The following LRRTM4 variants were observed in gnomAD, a reference collection of about 807,000 sequenced individuals.
LRRTM4 encodes the protein leucine rich repeat transmembrane neuronal 4, also known as leucine-rich repeat transmembrane neuronal protein 4.
LRRTM4 carries 25 observed loss-of-function variants against 47.6 expected under a neutral mutation model. That is an observed-to-expected ratio of 0.53 (90% CI 0.38 to 0.73). The LOEUF (loss-of-function observed/expected upper bound fraction) is 0.73. Ranked by LOEUF, LRRTM4 falls within the 30% of genes least tolerant of loss-of-function variation. LRRTM4 has a pLI of 0.00. For missense variants in LRRTM4, 638 were observed against 713.4 expected (o/e 0.89, Z 1.20); for synonymous variants, 311 against 269.5 (o/e 1.15, Z -1.51).
intron 3 of LRRTM4, among the ~76,000 whole-genome samples, chr2:76,990,810 C>T (rs1676978405): frequency 6.6e-6 from 1 of 151,672 alleles, no homozygotes; most frequent in Admixed American, 6.6e-5. Context: ...TAATAGACAC[C>T]TACAGACTAT....
At chr2:77,257,252 C>T (rs1458940007) in intron 3 of LRRTM4, among the ~76,000 whole-genome samples, 1 of 151,984 alleles carries the variant, frequency 6.6e-6, no homozygotes, top group Non-Finnish European at 1.5e-5. Context: ...AGGCTATCCA[C>T]TCTGACCACT....
chr2:77,038,940 T>A (rs1218745379), intron 3 of LRRTM4, among the ~76,000 whole-genome samples: 1 of 151,408 alleles, frequency 6.6e-6, no homozygotes, highest in Non-Finnish European at 1.5e-5. Context: ...AGTGGGTTTT[T>A]AAAAATCTGT....
intron 3 of LRRTM4, among the ~76,000 whole-genome samples, chr2:77,197,494 A>G (rs563376828): frequency 2.8e-4 from 42 of 152,272 alleles, no homozygotes; most frequent in African/African-American, 8.7e-4. Flanking sequence ...TATTAGACAA[A>G]GAAAAAGTAC....
intron 3 of LRRTM4, among the ~76,000 whole-genome samples, chr2:76,814,086 T>G (rs1670827301): frequency 6.6e-6 from 1 of 152,132 alleles, no homozygotes; most frequent in Admixed American, 6.6e-5. Context: ...GGTCAAGTAT[T>G]TTTCAACATG....
chr2:76,856,801 C>T (rs1009766317), intron 3 of LRRTM4, among the ~76,000 whole-genome samples: 1 of 152,036 alleles, frequency 6.6e-6, no homozygotes, highest in African/African-American at 2.4e-5. Flanking sequence ...AAAAAGCCTA[C>T]TGAAACAAAG....
At chr2:76,786,119 C>T (rs182610684) in intron 3 of LRRTM4, among the ~76,000 whole-genome samples, 1 of 152,150 alleles carries the variant, frequency 6.6e-6, no homozygotes, top group Non-Finnish European at 1.5e-5. Flanking sequence ...TCAGCTTCAT[C>T]TGGGAACTTT....
chr2:77,487,553 G>A (rs4386352), intron 3 of LRRTM4, among the ~76,000 whole-genome samples: 141,008 of 152,190 alleles, frequency 0.93, 65,370 homozygotes, highest in Middle Eastern at 0.94. Context: ...GGTGCTCCTC[G>A]GCATGAAGAG....
chr2:77,306,030 T>A (rs1309179638), intron 3 of LRRTM4, among the ~76,000 whole-genome samples: 1 of 152,136 alleles, frequency 6.6e-6, no homozygotes, highest in Non-Finnish European at 1.5e-5. Flanking sequence ...TGTTTACATC[T>A]TCTTAATGTT....
intron 3 of LRRTM4, among the ~76,000 whole-genome samples, chr2:77,482,305 T>C (rs556043243): frequency 6.6e-6 from 1 of 152,288 alleles, no homozygotes; most frequent in East Asian, 1.9e-4. Flanking sequence ...GGCATTGGAT[T>C]GTAAATTGAA....
At chr2:76,832,612 G>T (rs1011474198) in intron 3 of LRRTM4, among the ~76,000 whole-genome samples, 6 of 151,850 alleles carry the variant, frequency 4.0e-5, no homozygotes, top group South Asian at 2.1e-4. Flanking sequence ...GTTTATTAAA[G>T]AAAGATTGTT....
chr2:77,226,049 TTATA>T (rs1045170501), intron 3 of LRRTM4, among the ~76,000 whole-genome samples: 74 of 151,760 alleles, frequency 4.9e-4, no homozygotes, highest in African/African-American at 1.7e-3. Flanking sequence ...ATGTATAAAG[TTATA>T]TATTTTATAA....
At chr2:76,801,966 G>C (rs976120084) in intron 3 of LRRTM4, among the ~76,000 whole-genome samples, 1 of 152,008 alleles carries the variant, frequency 6.6e-6, no homozygotes, top group African/African-American at 2.4e-5. Flanking sequence ...TAGAAGGAAT[G>C]TACCTAAACA....
chr2:76,787,646 A>G (rs562641768), intron 3 of LRRTM4, among the ~76,000 whole-genome samples: 3 of 152,116 alleles, frequency 2.0e-5, no homozygotes, highest in Non-Finnish European at 4.4e-5. Flanking sequence ...TATAGGGAAA[A>G]CTTTGTGGTT....
chr2:76,776,734 T>C (rs1674016537), intron 3 of LRRTM4, among the ~76,000 whole-genome samples: 1 of 144,384 alleles, frequency 6.9e-6, no homozygotes, highest in Non-Finnish European at 1.5e-5. Flanking sequence ...TGGTAGTTTC[T>C]TTTGCTGTGC....
intron 3 of LRRTM4, among the ~76,000 whole-genome samples, chr2:77,400,639 G>A (rs185030945): frequency 1.3e-5 from 2 of 151,868 alleles, no homozygotes; most frequent in African/African-American, 4.8e-5. Flanking sequence ...CCAGAAATTC[G>A]GTGAATTATG....
intron 3 of LRRTM4, among the ~76,000 whole-genome samples, chr2:77,095,453 C>T (rs1338978693): frequency 2.0e-5 from 3 of 151,748 alleles, no homozygotes; most frequent in Admixed American, 6.6e-5. Flanking sequence ...TCTGCACTCC[C>T]ATGTTCATGG....
intron 3 of LRRTM4, among the ~76,000 whole-genome samples, chr2:77,056,161 G>A (rs1158507549): frequency 6.8e-6 from 1 of 147,646 alleles, no homozygotes; most frequent in Non-Finnish European, 1.5e-5. Flanking sequence ...TGCACATTGT[G>A]CACATGTACC....
In LRRTM4 at chr2:77,519,497, C is replaced by A; in HGVS notation, c.372G>T (p.Leu124=). The A allele has an allele frequency of 6.2e-7, 1 of 1,613,374 alleles. No homozygotes were observed. Among genetic ancestry groups the A allele is most frequent in the Non-Finnish European group, 8.5e-7 (1 of 1,179,608 alleles). ...LILSSNKITY[L]HNKTFHPVPN... ...GAACTGGGTGAAATGTTTTATTGTG[C>A]AGATAAGTAATTTTGTTGGAGCTTA... The change falls in exon 3 of 4, where the codon CTG becomes CTT. Residue 124 remains leucine, a synonymous_variant. Coordinates refer to ENST00000409884, the MANE Select transcript of LRRTM4 (RefSeq NM_001134745.3). The surrounding 1 kb of genome is among the most constrained non-coding windows in gnomAD (Gnocchi z 4.6).
At chr2:77,408,446 G>A (rs1442415366) in intron 3 of LRRTM4, among the ~76,000 whole-genome samples, 1 of 152,094 alleles carries the variant, frequency 6.6e-6, no homozygotes, top group African/African-American at 2.4e-5. Context: ...ATTAAAACAC[G>A]CTGCTTCTAA....
Sources: gnomAD v4.1 joint callset for allele counts (sites outside exome capture counted in the v4.1 genomes callset) on GRCh38, gnomAD v4.1.1 for gene constraint, Gnocchi (gnomAD v3.1) non-coding constraint, MANE v1.5 for transcripts, NCBI Gene and HGNC (gene_info 2026-07-23, HGNC 2026-07-21) for gene names.